The following NBEA variants were observed in gnomAD, a reference collection of about 807,000 sequenced individuals.
NBEA encodes the protein lysosomal-trafficking regulator 2.
In NBEA, 44 loss-of-function variants were observed where a neutral mutation model predicts 343.4. The observed-to-expected ratio is 0.13, with a 90% CI of 0.10 to 0.16. NBEA has a LOEUF of 0.16. Ranked by LOEUF, NBEA falls within the 10% of genes least tolerant of loss-of-function variation. The probability of loss-of-function intolerance (pLI) is 1.00; values close to 1 mark genes in which losing one functional copy is unlikely to be tolerated. For synonymous variants in NBEA, 1,175 were observed against 1,238.7 expected (o/e 0.95, Z 1.08); for missense variants, 2,555 against 3,631.3 (o/e 0.70, Z 7.62).
intron 23 of NBEA, among the ~76,000 whole-genome samples, chr13:35,162,907 T>C (rs1555325251): frequency 6.6e-6 from 1 of 152,176 alleles, no homozygotes; most frequent in Non-Finnish European, 1.5e-5. Context: ...ATTTTACTTT[T>C]GATTTTATTT....
At position 35,193,220 on chromosome 13, in the gene NBEA, A is replaced by G. The variant is rs1002670868; in HGVS notation, c.4928-2644A>G. ...TAGATACAAATGTATGTTAAAATAT[A>G]TTCAGTGGTATCTCTAATAGTGAAA... On this transcript the variant is annotated intron_variant, in intron 30 of 58. Transcript: ENST00000379939. 2.6e-5 allele frequency among the ~76,000 whole-genome samples: 4 copies of G among 151,944 alleles called. No individual in the cohort carries two copies. The East Asian group carries it at 7.7e-4, about 29-fold the overall frequency.
intron 18 of NBEA, among the ~76,000 whole-genome samples, chr13:35,147,485 T>C (rs1360709353): frequency 2.0e-5 from 3 of 152,108 alleles, no homozygotes; most frequent in Admixed American, 2.0e-4. Context: ...GAAACACCAC[T>C]GCAGGTGACC....
intron 11 of NBEA, 76 bp downstream of exon 11, chr13:35,098,481 G>A (rs1439529243): frequency 3.8e-6 from 4 of 1,041,434 alleles, no homozygotes; most frequent in Non-Finnish European, 5.8e-6. Context: ...TTTTTTTTCT[G>A]TAATTTCACT....
At chr13:35,242,774 A>T (rs772823093) in intron 34 of NBEA, among the ~76,000 whole-genome samples, 26 of 151,864 alleles carry the variant, frequency 1.7e-4, no homozygotes, top group Non-Finnish European at 2.7e-4. Context: ...AAACAAAAAG[A>T]AACTATCAAC....
chr13:35,050,958 C>T (rs1433936558), intron 6 of NBEA, among the ~76,000 whole-genome samples: 1 of 151,848 alleles, frequency 6.6e-6, no homozygotes, highest in Non-Finnish European at 1.5e-5. Flanking sequence ...GAGACAAGGC[C>T]AAAACACATT....
intron 36 of NBEA, among the ~76,000 whole-genome samples, chr13:35,323,583 A>C (rs1477191130): frequency 1.4e-4 from 12 of 88,540 alleles, no homozygotes; most frequent in African/African-American, 5.3e-4. Context: ...GGGGAGGGGG[A>C]GGGATAGCAT....
chr13:35,327,958 A>G (rs1240581229), intron 36 of NBEA, among the ~76,000 whole-genome samples: 3 of 151,916 alleles, frequency 2.0e-5, no homozygotes, highest in Non-Finnish European at 4.4e-5. Flanking sequence ...AACTCCCTCA[A>G]TATGAGTGGC....
chr13:35,042,034 GA>G (rs2062671104), intron 2 of NBEA, among the ~76,000 whole-genome samples: 1 of 151,814 alleles, frequency 6.6e-6, no homozygotes, highest in Non-Finnish European at 1.5e-5. Context: ...TCAGATACCA[GA>G]GAATACTCTT....
intron 1 of NBEA, among the ~76,000 whole-genome samples, chr13:34,952,977 G>T (rs953121645): frequency 2.6e-5 from 4 of 152,048 alleles, no homozygotes; most frequent in Non-Finnish European, 4.4e-5. Context: ...TGGCAAAATT[G>T]CTTAGTAGCA....
chr13:35,574,238 A>C (rs767912513), intron 45 of NBEA, among the ~76,000 whole-genome samples: 1 of 149,136 alleles, frequency 6.7e-6, no homozygotes, highest in Non-Finnish European at 1.5e-5. Flanking sequence ...TATAGATTGC[A>C]TTTTCTTCCA....
intron 13 of NBEA, among the ~76,000 whole-genome samples, chr13:35,113,586 CATCTATCTATCTATCTATCT>C (rs71078081): frequency 1.4e-5 from 2 of 146,694 alleles, no homozygotes; most frequent in African/African-American, 2.5e-5. Flanking sequence ...CTCCTCCACT[CATCTATCTATCTATCTATCT>C]ATCTATCTAT....
At position 35,542,109 on chromosome 13, in the gene NBEA, G is replaced by A. The variant is rs538002636; in HGVS notation, c.6586-8368G>A. Among the ~76,000 whole-genome samples the A allele has an allele frequency of 8.0e-5, 12 of 150,870 alleles. No homozygotes were observed. In the South Asian group the frequency reaches 1.9e-3, roughly 24 times the overall value. On this transcript the variant is annotated intron_variant, in intron 41 of 58. Coordinates refer to ENST00000379939, the MANE Select transcript of NBEA (RefSeq NM_001385012.1). ...GATTATTAAATCAAAAGTTCTCTAC[G>A]GATGGGCTGCCTATATTTCCCCCAA...
chr13:35,567,108 G>T, intron 45 of NBEA, 91 bp downstream of exon 45: 1 of 606,782 alleles, frequency 1.6e-6, no homozygotes, highest in Non-Finnish European at 2.8e-6. Flanking sequence ...GTTAATGTTT[G>T]TAAGAAGGTG....
At chr13:35,320,677 T>C (rs1433538451) in intron 36 of NBEA, among the ~76,000 whole-genome samples, 1 of 152,180 alleles carries the variant, frequency 6.6e-6, no homozygotes, top group Non-Finnish European at 1.5e-5. Flanking sequence ...CTGGATAATA[T>C]CCTGAAGAGT....
At chr13:35,007,932 A>C (rs1012232151) in intron 1 of NBEA, among the ~76,000 whole-genome samples, 3 of 152,118 alleles carry the variant, frequency 2.0e-5, no homozygotes, top group Non-Finnish European at 2.9e-5. Flanking sequence ...TTCACTTCTA[A>C]TCATTTAGTA....
chr13:35,009,269 T>A (rs540465249), intron 1 of NBEA, among the ~76,000 whole-genome samples: 2 of 152,282 alleles, frequency 1.3e-5, no homozygotes, highest in South Asian at 4.1e-4. Context: ...GGACAGTTGA[T>A]AGGAAATAAA....
At chr13:35,648,700 TTA>T (rs778734158) in intron 51 of NBEA, among the ~76,000 whole-genome samples, 1 of 152,134 alleles carries the variant, frequency 6.6e-6, no homozygotes, top group Non-Finnish European at 1.5e-5. Flanking sequence ...CCTCCCTACT[TTA>T]TGTTTTTAAT....
intron 1 of NBEA, among the ~76,000 whole-genome samples, chr13:34,957,767 A>C (rs899233584): frequency 1.3e-5 from 2 of 152,166 alleles, no homozygotes; most frequent in Admixed American, 1.3e-4. Context: ...TGTATTTTTA[A>C]GAAACAACAT....
intron 48 of NBEA, among the ~76,000 whole-genome samples, chr13:35,607,397 T>C (rs983349807): frequency 6.6e-6 from 1 of 152,174 alleles, no homozygotes; most frequent in Non-Finnish European, 1.5e-5. Flanking sequence ...AATGTTCACA[T>C]ATGGGAATTT....
Sources: gnomAD v4.1 joint callset for allele counts (sites outside exome capture counted in the v4.1 genomes callset) on GRCh38, gnomAD v4.1.1 for gene constraint, MANE v1.5 for transcripts, NCBI Gene and HGNC (gene_info 2026-07-23, HGNC 2026-07-21) for gene names.